Variants in EFCAB11 observed in about 807,000 individuals in gnomAD.
The protein encoded by EFCAB11 is EF-hand calcium binding domain 11, also known as EF-hand calcium-binding domain-containing protein 11.
EFCAB11 carries 14 observed loss-of-function variants against 23.0 expected under a neutral mutation model. That is an observed-to-expected ratio of 0.61 (90% CI 0.40 to 0.95). The LOEUF (loss-of-function observed/expected upper bound fraction) is 0.95. Among genes scored for constraint, EFCAB11 ranks in the 40% least tolerant of loss-of-function variants. The pLI, the probability that EFCAB11 is intolerant of heterozygous loss-of-function variation, is 0.00. For synonymous variants in EFCAB11, 65 were observed against 66.6 expected (o/e 0.98, Z 0.11); for missense variants, 198 against 195.8 (o/e 1.01, Z -0.07).
intron 5 of EFCAB11, among the ~76,000 whole-genome samples, chr14:89,815,718 C>T (rs202163805): frequency 6.6e-6 from 1 of 152,164 alleles, no homozygotes; most frequent in East Asian, 1.9e-4. Flanking sequence ...GTCATCGCGC[C>T]CGGCCGAAAT....
intron 5 of EFCAB11, among the ~76,000 whole-genome samples, chr14:89,861,329 A>G (rs918021522): frequency 3.3e-5 from 5 of 152,156 alleles, no homozygotes; most frequent in African/African-American, 1.2e-4. Context: ...AGGCTACCTG[A>G]TTCTGTGTTA....
rs1051106582 is a variant in EFCAB11 at position 89,839,525 on chromosome 14, C to T, written c.411-42201G>A. 3.3e-5 allele frequency among the ~76,000 whole-genome samples: 5 copies of T among 152,074 alleles called. No homozygotes were observed. In the South Asian group the frequency reaches 1.0e-3, roughly 32 times the overall value. On this transcript the variant is annotated intron_variant, in intron 5 of 5. Transcript: ENST00000316738. ...TGTGTTAAGAAATGGAACATGAGGT[C>T]TCTTTGGGGTCATGATGGGAAGAAT...
chr14:89,856,706 G>A (rs1045815624), intron 5 of EFCAB11, among the ~76,000 whole-genome samples: 3 of 152,094 alleles, frequency 2.0e-5, no homozygotes, highest in African/African-American at 7.2e-5. Context: ...ACCTTTTCAT[G>A]TACCTGTTGG....
chr14:89,843,841 C>T (rs568681832), intron 5 of EFCAB11, among the ~76,000 whole-genome samples: 3 of 152,290 alleles, frequency 2.0e-5, no homozygotes, highest in South Asian at 4.1e-4. Flanking sequence ...TTTAATATCA[C>T]CACTGAACTC....
At chr14:89,892,630 G>A (rs1407345836) in intron 5 of EFCAB11, among the ~76,000 whole-genome samples, 1 of 152,188 alleles carries the variant, frequency 6.6e-6, no homozygotes, top group Non-Finnish European at 1.5e-5. Flanking sequence ...GGCCAGGCAT[G>A]GTGGCTCACG....
At position 89,795,812 on chromosome 14, in the gene EFCAB11, T is replaced by C. The variant is rs1885558960; in HGVS notation, c.*1431A>G. 1.3e-5 allele frequency: 2 copies of C among 152,218 alleles called. No homozygotes were observed. The highest frequency in any genetic ancestry group is 4.1e-4 in the South Asian group (2 of 4,836). The allele number at this position is 152,218 out of a possible 1,614,324, so 9.4% of individuals were successfully genotyped here. A position where few individuals can be genotyped will look rare whatever the true frequency, so the allele number is the denominator to read the frequency against. On this transcript the variant is annotated 3_prime_UTR_variant, in exon 6 of 6. Transcript: ENST00000316738. The stretch of plus-strand genomic sequence containing the variant: ...TTAAAAAGTGAATTATATTAAAAGT[T>C]CTTTGACTAATGTTCATGTTATGCA...
chr14:89,930,270 AC>A (rs1181411551), intron 5 of EFCAB11, among the ~76,000 whole-genome samples: 1 of 152,198 alleles, frequency 6.6e-6, no homozygotes, highest in Non-Finnish European at 1.5e-5. Context: ...CATTCAAATA[AC>A]CTATTTACTA....
At chr14:89,859,366 C>T (rs764036431) in intron 5 of EFCAB11, among the ~76,000 whole-genome samples, 3 of 152,132 alleles carry the variant, frequency 2.0e-5, no homozygotes, top group Admixed American at 6.6e-5. Context: ...CTAATTTCTG[C>T]CAGAATCAGA....
chr14:89,814,502 C>T (rs1161830471), intron 5 of EFCAB11, among the ~76,000 whole-genome samples: 1 of 152,142 alleles, frequency 6.6e-6, no homozygotes, highest in Non-Finnish European at 1.5e-5. Context: ...GTTGGGAGTT[C>T]GAGAGCAGCC....
At chr14:89,847,460 C>T (rs72693800) in intron 5 of EFCAB11, among the ~76,000 whole-genome samples, 36,404 of 151,966 alleles carry the variant, frequency 0.24, 5,777 homozygotes, top group African/African-American at 0.45. Context: ...AGACTCTAGA[C>T]TGGGTGCGGT....
At chr14:89,860,366 AAAACAAACAAAC>A (rs372088634) in intron 5 of EFCAB11, among the ~76,000 whole-genome samples, 5 of 151,428 alleles carry the variant, frequency 3.3e-5, no homozygotes, top group African/African-American at 1.2e-4. Flanking sequence ...ACTCCATCTC[AAAACAAACAAAC>A]AAACAAACAA....
At chr14:89,925,600 C>T (rs374297851) in intron 5 of EFCAB11, among the ~76,000 whole-genome samples, 1 of 151,550 alleles carries the variant, frequency 6.6e-6, no homozygotes, top group Non-Finnish European at 1.5e-5. Context: ...CACAAACACA[C>T]AAATTGTGAC....
At chr14:89,903,792 A>T (rs1187563795) in intron 5 of EFCAB11, among the ~76,000 whole-genome samples, 1 of 152,190 alleles carries the variant, frequency 6.6e-6, no homozygotes, top group Non-Finnish European at 1.5e-5. Flanking sequence ...AGAACTTTGA[A>T]ATGCATTAAA....
chr14:89,920,610 G>A (rs527681543), intron 5 of EFCAB11, among the ~76,000 whole-genome samples: 1 of 152,344 alleles, frequency 6.6e-6, no homozygotes, highest in East Asian at 1.9e-4. Context: ...AGATGTTCCT[G>A]TGAGGATCCG....
chr14:89,826,933 C>A (rs1475990797), intron 5 of EFCAB11, among the ~76,000 whole-genome samples: 2 of 152,206 alleles, frequency 1.3e-5, no homozygotes, highest in African/African-American at 4.8e-5. Context: ...AGCTGCTCAG[C>A]ACTGCATTTT....
chr14:89,948,614 A>G (rs1459581499), intron 3 of EFCAB11, among the ~76,000 whole-genome samples: 1 of 152,252 alleles, frequency 6.6e-6, no homozygotes, highest in African/African-American at 2.4e-5. Flanking sequence ...TGAATGGATA[A>G]AGAAAATGTG....
intron 5 of EFCAB11, among the ~76,000 whole-genome samples, chr14:89,816,035 T>A (rs781312617): frequency 1.3e-5 from 2 of 152,246 alleles, no homozygotes; most frequent in Non-Finnish European, 2.9e-5. Flanking sequence ...GTATCTATTT[T>A]TTGTGTGTCC....
intron 3 of EFCAB11, among the ~76,000 whole-genome samples, chr14:89,937,715 G>A (rs1317361559): frequency 4.6e-5 from 7 of 151,940 alleles, no homozygotes; most frequent in Non-Finnish European, 8.8e-5. Flanking sequence ...TAGTAGAGAC[G>A]GGGTTTCACC....
At chr14:89,814,104 C>A (rs1886246290) in intron 5 of EFCAB11, among the ~76,000 whole-genome samples, 1 of 145,058 alleles carries the variant, frequency 6.9e-6, no homozygotes. Context: ...TTTTTTTCCA[C>A]TTTGAATCGA....
Sources: gnomAD v4.1 joint callset for allele counts (sites outside exome capture counted in the v4.1 genomes callset) on GRCh38, gnomAD v4.1.1 for gene constraint, MANE v1.5 for transcripts, NCBI Gene and HGNC (gene_info 2026-07-23, HGNC 2026-07-21) for gene names.